TRAPPC9: variants seen among roughly 807,000 people sequenced by gnomAD.
TRAPPC9 encodes the protein IKK2 binding protein.
A neutral mutation model predicts 124.0 loss-of-function variants in TRAPPC9; 83 were observed. That is an observed-to-expected ratio of 0.67 (90% CI 0.56 to 0.80). TRAPPC9 has a LOEUF of 0.80. TRAPPC9 is among the 30% of genes least tolerant of loss of function. The pLI, the probability that TRAPPC9 is intolerant of heterozygous loss-of-function variation, is 0.00. For synonymous variants in TRAPPC9, 638 were observed against 617.5 expected (o/e 1.03, Z -0.49); for missense variants, 1,302 against 1,508.3 (o/e 0.86, Z 2.27).
Position 140,024,252 on chromosome 8 carries a change from G to A in TRAPPC9, c.2557-173C>T, listed in dbSNP as rs145023984. Among the ~76,000 whole-genome samples the A allele has an allele frequency of 5.4e-3, 820 of 152,042 alleles. 5 individuals are homozygous for A. Among genetic ancestry groups the A allele is most frequent in the African/African-American group, 0.019 (781 of 41,452 alleles). Reference sequence around the variant, plus strand: ...GCGGGTACCGACTCACACCCCCGGCGGGGACCGACTCACACCCCCAGCGGG... The same window carrying A: ...GCGGGTACCGACTCACACCCCCGGCAGGGACCGACTCACACCCCCAGCGGG... On this transcript the variant is annotated intron_variant, in intron 17 of 22. Transcript: ENST00000438773.
chr8:139,860,348 T>C (rs62528722), intron 21 of TRAPPC9, among the ~76,000 whole-genome samples: 15,381 of 152,046 alleles, frequency 0.1, 853 homozygotes, highest in East Asian at 0.24. Flanking sequence ...GGGGTGGAGG[T>C]CGGGAACAAC....
At chr8:140,017,059 G>A (rs1026425748) in intron 18 of TRAPPC9, among the ~76,000 whole-genome samples, 6 of 152,046 alleles carry the variant, frequency 3.9e-5, no homozygotes, top group South Asian at 2.1e-4. Flanking sequence ...AACACTTTTC[G>A]GAGATAACAG....
chr8:139,946,460 G>A (rs982390250), intron 19 of TRAPPC9, among the ~76,000 whole-genome samples: 13 of 152,188 alleles, frequency 8.5e-5, no homozygotes, highest in African/African-American at 2.9e-4. Flanking sequence ...CTTGTCCTCT[G>A]GAGTCGGGAG....
intron 14 of TRAPPC9, among the ~76,000 whole-genome samples, chr8:140,279,950 C>T (rs749585703): frequency 6.6e-6 from 1 of 152,198 alleles, no homozygotes; most frequent in Non-Finnish European, 1.5e-5. Flanking sequence ...TTAAGCCACC[C>T]CCCGCCCTTT....
At chr8:139,770,241 C>A (rs940337928) in intron 21 of TRAPPC9, among the ~76,000 whole-genome samples, 69 of 152,366 alleles carry the variant, frequency 4.5e-4, no homozygotes, top group African/African-American at 1.6e-3. Flanking sequence ...CCAGACGCCC[C>A]GGAGAGAGGT....
At chr8:140,181,369 C>T (rs554220296) in intron 17 of TRAPPC9, among the ~76,000 whole-genome samples, 2 of 152,224 alleles carry the variant, frequency 1.3e-5, no homozygotes, top group African/African-American at 4.8e-5. Flanking sequence ...CAAATGATTC[C>T]CCTGCCTGAT....
chr8:140,389,592 G>A (rs950606460), intron 7 of TRAPPC9, among the ~76,000 whole-genome samples: 6 of 152,074 alleles, frequency 3.9e-5, no homozygotes, highest in Non-Finnish European at 7.4e-5. Context: ...TAGCACAGTG[G>A]CTAAAAAAAT....
At chr8:140,094,597 C>T (rs1017617719) in intron 17 of TRAPPC9, among the ~76,000 whole-genome samples, 19 of 152,326 alleles carry the variant, frequency 1.2e-4, no homozygotes, top group Non-Finnish European at 2.2e-4. Context: ...GACAGCTACT[C>T]GGAGAGGCAG....
chr8:139,990,059 C>G (rs1837525829), intron 18 of TRAPPC9, among the ~76,000 whole-genome samples: 1 of 152,170 alleles, frequency 6.6e-6, no homozygotes, highest in Non-Finnish European at 1.5e-5. Flanking sequence ...GATCTGTGCT[C>G]TGGGTCATTA....
intron 17 of TRAPPC9, among the ~76,000 whole-genome samples, chr8:140,115,781 G>T (rs1038646137): frequency 1.3e-5 from 2 of 152,082 alleles, no homozygotes; most frequent in African/African-American, 2.4e-5. Context: ...TTAAAGGCTT[G>T]TTCCACACTT....
chr8:139,773,700 A>G (rs1821145767), intron 21 of TRAPPC9, among the ~76,000 whole-genome samples: 5 of 152,150 alleles, frequency 3.3e-5, no homozygotes, highest in Admixed American at 3.3e-4. Context: ...TCCAGCCGGC[A>G]GCAAAACCAC....
At chr8:140,019,269 T>C (rs921528156) in intron 18 of TRAPPC9, among the ~76,000 whole-genome samples, 1 of 152,206 alleles carries the variant, frequency 6.6e-6, no homozygotes, top group African/African-American at 2.4e-5. Context: ...TTTTCTTTTC[T>C]CATAATGTCT....
intron 17 of TRAPPC9, among the ~76,000 whole-genome samples, chr8:140,072,661 TAGG>T (rs1468037780): frequency 6.6e-6 from 1 of 151,598 alleles, no homozygotes; most frequent in African/African-American, 2.4e-5. Context: ...AGATATACAC[TAGG>T]AGAACGTATT....
chr8:140,191,395 G>A (rs937646519), intron 17 of TRAPPC9, among the ~76,000 whole-genome samples: 16 of 152,256 alleles, frequency 1.1e-4, no homozygotes, highest in African/African-American at 3.1e-4. Flanking sequence ...TGTAATCCCC[G>A]GTATTGGAGG....
intron 17 of TRAPPC9, among the ~76,000 whole-genome samples, chr8:140,160,562 G>A (rs368615392): frequency 1.1e-4 from 16 of 150,408 alleles, no homozygotes; most frequent in East Asian, 7.9e-4. Flanking sequence ...ACCAAACACC[G>A]CATGTTCTCA....
intron 9 of TRAPPC9, 128 bp downstream of exon 9, chr8:140,359,922 A>G: frequency 1.5e-6 from 2 of 1,339,342 alleles, no homozygotes; most frequent in East Asian, 4.8e-5. Flanking sequence ...GGACCTTGTC[A>G]CTGACGAAGA....
At chr8:139,807,531 A>G (rs1045785092) in intron 21 of TRAPPC9, among the ~76,000 whole-genome samples, 27 of 152,168 alleles carry the variant, frequency 1.8e-4, no homozygotes, top group African/African-American at 6.5e-4. Flanking sequence ...ACCAACAAAA[A>G]TCTGCAAGGA....
chr8:140,056,734 CT>C (rs1842308467), intron 17 of TRAPPC9, among the ~76,000 whole-genome samples: 1 of 152,112 alleles, frequency 6.6e-6, no homozygotes, highest in Non-Finnish European at 1.5e-5. Context: ...AAGGGAAATG[CT>C]TCATGACTTG....
intron 21 of TRAPPC9, among the ~76,000 whole-genome samples, chr8:139,767,546 G>A (rs555890100): frequency 1.3e-5 from 2 of 152,334 alleles, no homozygotes; most frequent in East Asian, 3.9e-4. Flanking sequence ...GGTGCATGTG[G>A]GGGTGGAAGG....
Sources: allele counts gnomAD v4.1 joint callset (sites outside exome capture counted in the v4.1 genomes callset), GRCh38; gene constraint gnomAD v4.1.1; transcripts MANE v1.5; gene names NCBI Gene and HGNC (gene_info 2026-07-23, HGNC 2026-07-21).